CD27: variants seen among roughly 807,000 people sequenced by gnomAD.
CD27 encodes CD27 antigen.
CD27 carries 16 observed loss-of-function variants against 25.9 expected under a neutral mutation model. The ratio of observed to expected loss-of-function variants is 0.62; its 90% confidence interval spans 0.42 to 0.94. The LOEUF (loss-of-function observed/expected upper bound fraction) is 0.94, where lower values mean the gene tolerates loss of function less well. CD27 is among the 40% of genes least tolerant of loss of function. The pLI, the probability that CD27 is intolerant of heterozygous loss-of-function variation, is 0.00. For synonymous variants in CD27, 142 were observed against 124.3 expected (o/e 1.14, Z -0.95); for missense variants, 300 against 333.2 (o/e 0.90, Z 0.78).
intron 2 of CD27, among the ~76,000 whole-genome samples, chr12:6,449,521 C>G (rs1451858250): frequency 6.6e-6 from 1 of 152,056 alleles, no homozygotes; most frequent in African/African-American, 2.4e-5. Flanking sequence ...ATGCGTGCCT[C>G]TCTGTACGTA....
At position 6,445,487 on chromosome 12, in the gene CD27, C is replaced by A; in HGVS notation, c.200C>A (p.Pro67Gln). ...GCTGCTCAGTGTGATCCTTGCATAC[C>A]GGGGGTCTCCTTCTCTCCTGACCAC... is the stretch of plus-strand genomic sequence containing the variant. ...RKAAQCDPCI[P>Q]GVSFSPDHHT... The change falls in exon 2 of 6, where the codon CCG becomes CAG. Residue 67 changes from proline to glutamine, a missense_variant. Pro to Gln is a moderately conservative substitution (Grantham distance 76). Coordinates refer to ENST00000266557, the MANE Select transcript of CD27 (RefSeq NM_001242.5). The surrounding 1 kb of genome is among the most constrained non-coding windows in gnomAD (Gnocchi z 4.5). 2 of 1,614,032 alleles carry A rather than the reference C, an allele frequency of 1.2e-6. No homozygotes were observed. Among genetic ancestry groups the A allele is most frequent in the Non-Finnish European group, 1.7e-6 (2 of 1,179,994 alleles).
chr12:6,451,675 T>G lies in CD27; in HGVS notation c.*283T>G. ...CACTTCCTGCTGCGAAAGACCCACA[T>G]GCTACAAGACGGGCAAAATAAAGTG... On this transcript the variant is annotated 3_prime_UTR_variant, in exon 6 of 6. Coordinates refer to ENST00000266557, the MANE Select transcript of CD27 (RefSeq NM_001242.5). 1 of 402,350 alleles carries G rather than the reference T, an allele frequency of 2.5e-6. No individual in the cohort carries two copies. The highest frequency in any genetic ancestry group is 4.5e-6 in the Non-Finnish European group (1 of 221,708). The allele number at this position is 402,350 out of a possible 1,614,324, so 24.9% of individuals were successfully genotyped here.
At position 6,445,133 on chromosome 12, in the gene CD27, G is replaced by T. The variant is rs769004909; in HGVS notation, c.38G>T (p.Gly13Val). The part of the protein sequence containing the change: ...RPHPWWLCVL[G>V]TLVGLSATPA... ...CATCCCTGGTGGCTGTGCGTTCTGGGGACCCTGGTGGGGCTCTCAGCTACT... is the reference window on the plus strand; with the variant it reads ...CATCCCTGGTGGCTGTGCGTTCTGGTGACCCTGGTGGGGCTCTCAGCTACT... Residue 13 changes from glycine to valine, a missense_variant, in exon 1 of 6, where the codon GGG becomes GTG. By Grantham distance (109) the Gly-to-Val change is moderately radical. Coordinates refer to ENST00000266557, the MANE Select transcript of CD27 (RefSeq NM_001242.5). The surrounding 1 kb of genome is among the most constrained non-coding windows in gnomAD (Gnocchi z 4.5). The T allele has an allele frequency of 3.7e-6, 6 of 1,607,486 alleles. No individual in the cohort carries two copies. The Admixed American group carries it at 1.0e-4, about 28-fold the overall frequency.
chr12:6,445,290 A>G lies in CD27; in HGVS notation c.136+59A>G. 3 of 1,610,768 alleles carry G rather than the reference A, an allele frequency of 1.9e-6. No individual in the cohort carries two copies. Among genetic ancestry groups the G allele is most frequent in the Non-Finnish European group, 2.5e-6 (3 of 1,178,522 alleles). On this transcript the variant is annotated intron_variant, in intron 1 of 5. Transcript: ENST00000266557. This position sits in a 1 kb window ranked among gnomAD's most constrained non-coding sequence, Gnocchi z 4.5. ...GGCGAAAGAGAGAGGACTGGGGTTA[A>G]TACAGTAAATAGGCGCAGGGTGAGA...
At chr12:6,444,673 GTAAC>G (rs1949386587), upstream of CD27, among the ~76,000 whole-genome samples, 1 of 124,784 alleles carries the variant, frequency 8.0e-6, no homozygotes, top group Non-Finnish European at 1.7e-5. Context: ...GTGGGGGGGG[GTAAC>G]GTGGGCACCT....
Position 6,450,835 on chromosome 12 carries a change from G to A in CD27, c.539-60G>A, listed in dbSNP as rs1451354272. ...GAGAGGCAAGGTGACAGGAGGGCTG[G>A]GCTGAGGGAGCCAAGGGCTAGACCC... On this transcript the variant is annotated intron_variant, in intron 4 of 5. Transcript: ENST00000266557. The surrounding 1 kb of genome is among the most constrained non-coding windows in gnomAD (Gnocchi z 4.1). The A allele has an allele frequency of 6.8e-6, 11 of 1,608,704 alleles. No individual in the cohort carries two copies. The highest frequency in any genetic ancestry group is 9.3e-6 in the Non-Finnish European group (11 of 1,176,576).
In CD27 at chr12:6,450,418, C is replaced by T; in HGVS notation, c.448+66C>T. 1 of 1,541,034 alleles carries T rather than the reference C, an allele frequency of 6.5e-7. No individual in the cohort carries two copies. The highest frequency in any genetic ancestry group is 8.9e-7 in the Non-Finnish European group (1 of 1,125,776). On this transcript the variant is annotated intron_variant, in intron 3 of 5. Coordinates refer to ENST00000266557, the MANE Select transcript of CD27 (RefSeq NM_001242.5). The surrounding 1 kb of genome is among the most constrained non-coding windows in gnomAD (Gnocchi z 4.1). ...CGGTGATACCCCAACCAGTACTCCC[C>T]ACTCCTACCCCTAGATAAGGTCAGC...
Position 6,450,957 on chromosome 12 carries a change from C to T in CD27, c.601C>T (p.Leu201Phe), listed in dbSNP as rs761757129. ...RILVIFSGMF[L>F]VFTLAGALFL... Reference sequence around the variant, plus strand: ...CCTTGTGATCTTCTCTGGAATGTTCCTTGTTTTCACCCTGGCCGGGGCCCT... The same window carrying T: ...CCTTGTGATCTTCTCTGGAATGTTCTTTGTTTTCACCCTGGCCGGGGCCCT... Residue 201 changes from leucine (L) to phenylalanine (F), a missense_variant, in exon 5 of 6, where the codon CTT (leucine) becomes TTT (phenylalanine). Transcript: ENST00000266557. The surrounding 1 kb of genome is among the most constrained non-coding windows in gnomAD (Gnocchi z 4.1). 6.2e-7 allele frequency: 1 copy of T among 1,614,142 alleles called. No individual in the cohort carries two copies. Among genetic ancestry groups the T allele is most frequent in the Non-Finnish European group, 8.5e-7 (1 of 1,179,990 alleles).
In CD27 at chr12:6,450,518, T is replaced by C; in HGVS notation, c.449-23T>C. The C allele has an allele frequency of 6.2e-7, 1 of 1,609,784 alleles. No individual in the cohort carries two copies. The highest frequency in any genetic ancestry group is 8.5e-7 in the Non-Finnish European group (1 of 1,176,990). On this transcript the variant is annotated intron_variant, in intron 3 of 5. Coordinates refer to ENST00000266557, the MANE Select transcript of CD27 (RefSeq NM_001242.5). The surrounding 1 kb of genome is among the most constrained non-coding windows in gnomAD (Gnocchi z 4.1). Reference sequence around the variant, plus strand: ...GCCCTATGGGGTCCCCTGCTGCTACTCATTCTGTCTCTGTTTTTCCAGAGA... The same window carrying C: ...GCCCTATGGGGTCCCCTGCTGCTACCCATTCTGTCTCTGTTTTTCCAGAGA...
At chr12:6,444,161 G>A (rs1949381240), upstream of CD27, among the ~76,000 whole-genome samples, 1 of 152,190 alleles carries the variant, frequency 6.6e-6, no homozygotes, top group African/African-American at 2.4e-5. Context: ...AGTGAGGAGT[G>A]AGCAAGGGTC....
In CD27 at chr12:6,445,369, A is replaced by G; in HGVS notation, c.137-55A>G. The G allele has an allele frequency of 6.2e-7, 1 of 1,611,460 alleles. No individual in the cohort carries two copies. The highest frequency in any genetic ancestry group is 8.5e-7 in the Non-Finnish European group (1 of 1,178,114). On this transcript the variant is annotated intron_variant, in intron 1 of 5. Coordinates refer to ENST00000266557, the MANE Select transcript of CD27 (RefSeq NM_001242.5). The surrounding 1 kb of genome is among the most constrained non-coding windows in gnomAD (Gnocchi z 4.5). ...CAGCTGTGGGGAGGCACCACCTTGA[A>G]GAGGGCAGAGAACCAGCCCTTCTCA...
Position 6,451,656 on chromosome 12 carries a change from C to T in CD27, c.*264C>T, listed in dbSNP as rs908267510. 4.5e-6 allele frequency: 2 copies of T among 441,120 alleles called. No homozygotes were observed. The highest frequency in any genetic ancestry group is 8.2e-5 in the South Asian group (2 of 24,440). 27.3% of individuals were successfully genotyped at this position (441,120 alleles called of 1,614,324 possible). A position where few individuals can be genotyped will look rare whatever the true frequency, so the allele number is the denominator to read the frequency against. ...GGGCTCTGGTTGTAAAACACACTTC[C>T]TGCTGCGAAAGACCCACATGCTACA... is the stretch of plus-strand genomic sequence containing the variant. On this transcript the variant is annotated 3_prime_UTR_variant, in exon 6 of 6. Transcript: ENST00000266557.
Position 6,445,410 on chromosome 12 carries a change from CCCTCT to C in CD27, c.137-9_137-5del, listed in dbSNP as rs768803245. The C allele has an allele frequency of 6.2e-7, 1 of 1,614,034 alleles. No homozygotes were observed. The highest frequency in any genetic ancestry group is 8.5e-7 in the Non-Finnish European group (1 of 1,179,940). ...GCCCTTCTCAGGCCTTGATCCCTTA[CCCTCT>C]CCTCCCAGGAACATTCCTCGTGAAG... On this transcript the variant is annotated splice_polypyrimidine_tract_variant and intron_variant, in intron 1 of 5. Transcript: ENST00000266557. This position sits in a 1 kb window ranked among gnomAD's most constrained non-coding sequence, Gnocchi z 4.5.
In CD27 at chr12:6,445,997, G is replaced by C. The variant is rs908187908; in HGVS notation, c.268+442G>C. Among the ~76,000 whole-genome samples, 2 of 151,986 alleles carry C rather than the reference G, an allele frequency of 1.3e-5. No homozygotes were observed. The highest frequency in any genetic ancestry group is 2.9e-5 in the Non-Finnish European group (2 of 67,980). On this transcript the variant is annotated intron_variant, in intron 2 of 5. Coordinates refer to ENST00000266557, the MANE Select transcript of CD27 (RefSeq NM_001242.5). The surrounding 1 kb of genome is among the most constrained non-coding windows in gnomAD (Gnocchi z 4.5). ...GGTAACAACCTTTTTTTGCACAAAA[G>C]CCAATTTGAGAAAATGAGTATGTAT...
At chr12:6,446,663 C>T (rs1335105477) in intron 2 of CD27, among the ~76,000 whole-genome samples, 1 of 151,922 alleles carries the variant, frequency 6.6e-6, no homozygotes, top group Non-Finnish European at 1.5e-5. Flanking sequence ...CCTGCAGTCC[C>T]AGCTACTTGG....
At chr12:6,448,287 C>T (rs1949451437) in intron 2 of CD27, 1 of 152,322 alleles carries the variant, frequency 6.6e-6, no homozygotes, top group Non-Finnish European at 1.5e-5. Flanking sequence ...CCACAAGTGT[C>T]TGCCCTAAGG....
In CD27 at chr12:6,451,610, G is replaced by T; in HGVS notation, c.*218G>T. 1 of 519,682 alleles carries T rather than the reference G, an allele frequency of 1.9e-6. No homozygotes were observed. The highest frequency in any genetic ancestry group is 3.4e-6 in the Non-Finnish European group (1 of 296,350). The allele number at this position is 519,682 out of a possible 1,614,324, so 32.2% of individuals were successfully genotyped here. On this transcript the variant is annotated 3_prime_UTR_variant, in exon 6 of 6. Coordinates refer to ENST00000266557, the MANE Select transcript of CD27 (RefSeq NM_001242.5). Reference sequence around the variant, plus strand: ...GGGAAGCAGGAGCCCAGCCAGCTGCGCCTGCGCTGCAGGAGGGCGGGGGCT... The same window carrying T: ...GGGAAGCAGGAGCCCAGCCAGCTGCTCCTGCGCTGCAGGAGGGCGGGGGCT...
rs1311076573 is a variant in CD27 at position 6,451,546 on chromosome 12, CT to C, written c.*155del. Reference sequence around the variant, plus strand: ...CACGTGACAGAGTGCCTTTTCGAGACTGGCAGGGACGAGGACAAATATGGAT... The same window carrying C: ...CACGTGACAGAGTGCCTTTTCGAGACGGCAGGGACGAGGACAAATATGGAT... On this transcript the variant is annotated 3_prime_UTR_variant, in exon 6 of 6. Transcript: ENST00000266557. 1.3e-6 allele frequency: 1 copy of C among 764,170 alleles called. No individual in the cohort carries two copies. The allele number at this position is 764,170 out of a possible 1,614,324, so 47.3% of individuals were successfully genotyped here. A position where few individuals can be genotyped will look rare whatever the true frequency, so the allele number is the denominator to read the frequency against.
In CD27 at chr12:6,450,761, G is replaced by C; in HGVS notation, c.538+131G>C. 7.0e-7 allele frequency: 1 copy of C among 1,424,546 alleles called. No individual in the cohort carries two copies. The highest frequency in any genetic ancestry group is 9.8e-7 in the Non-Finnish European group (1 of 1,024,774). The allele number at this position is 1,424,546 out of a possible 1,614,324, so 88.2% of individuals were successfully genotyped here. A position where few individuals can be genotyped will look rare whatever the true frequency, so the allele number is the denominator to read the frequency against. Reference sequence around the variant, plus strand: ...AAAGCAGAGTCCACTGTTTAGGAGAGGAGTTGGCCAACGGTGGCGGGTGGG... The same window carrying C: ...AAAGCAGAGTCCACTGTTTAGGAGACGAGTTGGCCAACGGTGGCGGGTGGG... On this transcript the variant is annotated intron_variant, in intron 4 of 5. Transcript: ENST00000266557. This position sits in a 1 kb window ranked among gnomAD's most constrained non-coding sequence, Gnocchi z 4.1.
Sources: gnomAD v4.1 joint callset for allele counts (sites outside exome capture counted in the v4.1 genomes callset) on GRCh38, gnomAD v4.1.1 for gene constraint, Gnocchi (gnomAD v3.1) non-coding constraint, MANE v1.5 for transcripts, NCBI Gene and HGNC (gene_info 2026-07-23, HGNC 2026-07-21) for gene names.